Variants in SLC26A5 observed in about 807,000 individuals in gnomAD.
The protein encoded by SLC26A5 is solute carrier family 26 member 5.
A neutral mutation model predicts 81.0 loss-of-function variants in SLC26A5; 51 were observed. The observed-to-expected ratio is 0.63, with a 90% CI of 0.50 to 0.80. The LOEUF (loss-of-function observed/expected upper bound fraction) is 0.80. SLC26A5 is among the 30% of genes least tolerant of loss of function. SLC26A5 has a pLI of 0.00. For synonymous variants in SLC26A5, 325 were observed against 332.8 expected, an observed-to-expected ratio of 0.98 and a Z score of 0.25; for missense variants, 771 against 905.8, an observed-to-expected ratio of 0.85 and a Z score of 1.91.
intron 2 of SLC26A5, among the ~76,000 whole-genome samples, chr7:103,437,735 C>T (rs1473710413): frequency 6.6e-6 from 1 of 151,984 alleles, no homozygotes; most frequent in Non-Finnish European, 1.5e-5. Flanking sequence ...AAAAAACTCA[C>T]AGAAATAGAG....
chr7:103,425,821 C>T (rs1259196030), intron 2 of SLC26A5, among the ~76,000 whole-genome samples: 6 of 152,122 alleles, frequency 3.9e-5, no homozygotes, highest in Non-Finnish European at 8.8e-5. Flanking sequence ...GTCACCTGGG[C>T]AGCTTTAAAT....
intron 8 of SLC26A5, among the ~76,000 whole-genome samples, chr7:103,405,990 C>T (rs1477283953): frequency 1.3e-5 from 2 of 152,122 alleles, no homozygotes; most frequent in Admixed American, 6.6e-5. Context: ...AGGGGAAAAC[C>T]GCCTACTGAA....
intron 1 of SLC26A5, 87 bp from the exon 2 acceptor site, chr7:103,443,298 C>T (rs1316356205): frequency 6.6e-6 from 1 of 152,212 alleles, no homozygotes; most frequent in Non-Finnish European, 1.5e-5. Context: ...TTTCTTAACG[C>T]TCTCCTTTCA....
At chr7:103,373,305 C>T (rs533164284), downstream of SLC26A5, among the ~76,000 whole-genome samples, 2 of 152,256 alleles carry the variant, frequency 1.3e-5, no homozygotes, top group Admixed American at 1.3e-4. Flanking sequence ...GGTAGATCAA[C>T]TAGATATTAC....
Position 103,390,518 on chromosome 7 carries a change from A to C in SLC26A5, c.1234-12T>G. On this transcript the variant is annotated splice_polypyrimidine_tract_variant and intron_variant, in intron 11 of 19. Transcript: ENST00000306312. ...AAACAACCTGCAAGCTGAATGAGAG[A>C]AGACACATGGAAGGGGCTTTTAGGA... 1.2e-6 allele frequency: 2 copies of C among 1,612,734 alleles called. No homozygotes were observed. The highest frequency in any genetic ancestry group is 1.7e-6 in the Non-Finnish European group (2 of 1,178,722).
intron 19 of SLC26A5, chr7:103,362,808 T>G: frequency 7.1e-7 from 1 of 1,411,598 alleles, no homozygotes; most frequent in Admixed American, 1.9e-5. Context: ...TTTTTTTTTT[T>G]TTTTTGAGGC....
At chr7:103,409,510 A>G (rs1007988145) in intron 7 of SLC26A5, among the ~76,000 whole-genome samples, 3 of 152,160 alleles carry the variant, frequency 2.0e-5, no homozygotes, top group African/African-American at 7.2e-5. Flanking sequence ...GCACTGTGTG[A>G]AAAAACATTG....
intron 8 of SLC26A5, 114 bp downstream of exon 8, chr7:103,407,737 T>G: frequency 8.1e-7 from 1 of 1,228,398 alleles, no homozygotes; most frequent in African/African-American, 1.5e-5. Flanking sequence ...ATTGTAACCT[T>G]CTTTTGGCAG....
intron 8 of SLC26A5, among the ~76,000 whole-genome samples, chr7:103,406,097 G>A (rs570863091): frequency 6.6e-6 from 1 of 152,316 alleles, no homozygotes; most frequent in East Asian, 1.9e-4. Context: ...CAAGCCAATG[G>A]AGCTTAGCTT....
intron 9 of SLC26A5, among the ~76,000 whole-genome samples, chr7:103,397,089 G>A (rs778628898): frequency 1.8e-4 from 19 of 105,028 alleles, no homozygotes; most frequent in Non-Finnish European, 3.2e-4. Context: ...AGTGAGACTC[G>A]GTCTCAAAAA....
rs753457590 is a variant in SLC26A5 at position 103,413,067 on chromosome 7, A to G, written c.338T>C (p.Leu113Pro). ...MLAAVPPIFG[L>P]YSSFYPVIMY... Reference sequence around the variant, plus strand: ...GATAACAGGGTAAAATGAAGAGTACAGGCCAAATATTGGAGGCACAGCTGC... The same window carrying G: ...GATAACAGGGTAAAATGAAGAGTACGGGCCAAATATTGGAGGCACAGCTGC... Residue 113 changes from leucine (L) to proline (P), a missense_variant, in exon 5 of 20, where the codon CTG becomes CCG. Physicochemically the swap from Leu to Pro is moderately conservative, Grantham distance 98. Transcript: ENST00000306312. 4 of 1,614,122 alleles carry G rather than the reference A, an allele frequency of 2.5e-6. No homozygotes were observed. The highest frequency in any genetic ancestry group is 3.4e-6 in the Non-Finnish European group (4 of 1,179,972).
At chr7:103,434,181 C>T (rs1235142028) in intron 2 of SLC26A5, among the ~76,000 whole-genome samples, 2 of 152,170 alleles carry the variant, frequency 1.3e-5, no homozygotes, top group Non-Finnish European at 2.9e-5. Context: ...AGTAAACGGC[C>T]TGAGTCTTTG....
At position 103,378,876 on chromosome 7, in the gene SLC26A5, C is replaced by G. The variant is rs62482413; in HGVS notation, c.1678-323G>C. On this transcript the variant is annotated intron_variant, in intron 16 of 19. Transcript: ENST00000306312. ...GACAGGGAGCTTTTCCTATATACAG[C>G]GTGGTGTAGGGTTGAGTTCTAAACA... Among the ~76,000 whole-genome samples the G allele has an allele frequency of 0.19, 29,259 of 151,950 alleles. 3,331 individuals are homozygous for G. Among genetic ancestry groups the G allele is most frequent in the African/African-American group, 0.31 (13,041 of 41,404 alleles).
At position 103,377,714 on chromosome 7, in the gene SLC26A5, G is replaced by C. The variant is rs760000364; in HGVS notation, c.1871C>G (p.Thr624Arg). Residue 624 changes from threonine to arginine, a missense_variant, in exon 18 of 20, where the codon ACA becomes AGA. Thr to Arg is a moderately conservative substitution (Grantham distance 71). Coordinates refer to ENST00000306312, the MANE Select transcript of SLC26A5 (RefSeq NM_198999.3). ...AAATCTTTGCATTTCCTCAGGAAATGTGCTTTTGATCACTATTGGGGGATA... is the reference window on the plus strand; with the variant it reads ...AAATCTTTGCATTTCCTCAGGAAATCTGCTTTTGATCACTATTGGGGGATA... ...VKYPPIVIKS[T>R]FPEEMQRFMP... 40 of 1,613,996 alleles carry C rather than the reference G, an allele frequency of 2.5e-5. No homozygotes were observed. The South Asian group carries it at 3.8e-4, about 16-fold the overall frequency.
At position 103,393,031 on chromosome 7, in the gene SLC26A5, A is replaced by C. The variant is rs1467787320; in HGVS notation, c.1007T>G (p.Phe336Cys). ...LPPANPDTSL[F>C]HLVYVDAIAI... ...AATGGCATCTACGTACACAAGGTGG[A>C]AGAGGCTGGTGTCCGGATTGGCTGG... The change falls in exon 10 of 20, where the codon TTC (phenylalanine) becomes TGC (cysteine). Residue 336 changes from phenylalanine (F) to cysteine (C), a missense_variant. Physicochemically the swap from Phe to Cys is radical, Grantham distance 205 (BLOSUM62 -2). Coordinates refer to ENST00000306312, the MANE Select transcript of SLC26A5 (RefSeq NM_198999.3). The C allele has an allele frequency of 6.2e-7, 1 of 1,613,902 alleles. No homozygotes were observed. The highest frequency in any genetic ancestry group is 8.5e-7 in the Non-Finnish European group (1 of 1,179,886).
chr7:103,433,288 T>C (rs1826211079), intron 2 of SLC26A5, among the ~76,000 whole-genome samples: 2 of 152,172 alleles, frequency 1.3e-5, no homozygotes, highest in South Asian at 4.1e-4. Flanking sequence ...ATTATTGTTC[T>C]TTTTTAAACA....
chr7:103,403,910 C>T (rs1053715036), intron 8 of SLC26A5, among the ~76,000 whole-genome samples: 54 of 152,196 alleles, frequency 3.5e-4, no homozygotes, highest in Middle Eastern at 3.4e-3. Flanking sequence ...GGGCCAGGTG[C>T]GGTGGCTCAC....
At chr7:103,379,118 T>C (rs1289031605) in intron 16 of SLC26A5, 125 bp downstream of exon 16, 5 of 729,288 alleles carry the variant, frequency 6.9e-6, no homozygotes, top group Admixed American at 6.6e-5. Context: ...TATATTTTAC[T>C]ACAATAAAAG....
intron 9 of SLC26A5, 69 bp downstream of exon 9, chr7:103,397,863 T>C (rs1274251006): frequency 8.9e-7 from 1 of 1,127,638 alleles, no homozygotes; most frequent in Non-Finnish European, 1.4e-6. Flanking sequence ...AGAGAACTAA[T>C]GTAAGAGTTA....
Sources: allele counts gnomAD v4.1 joint callset (sites outside exome capture counted in the v4.1 genomes callset), GRCh38; gene constraint gnomAD v4.1.1; transcripts MANE v1.5; gene names NCBI Gene and HGNC (gene_info 2026-07-23, HGNC 2026-07-21).